The following CLYBL variants were observed in gnomAD, a reference collection of about 807,000 sequenced individuals.
CLYBL encodes citramalyl-CoA lyase, mitochondrial.
In CLYBL, 31 loss-of-function variants were observed where a neutral mutation model predicts 38.9. That is an observed-to-expected ratio of 0.80 (90% CI 0.60 to 1.08). The LOEUF (loss-of-function observed/expected upper bound fraction) is 1.08, where lower values mean the gene tolerates loss of function less well. Among genes scored for constraint, CLYBL ranks in the 50% least tolerant of loss-of-function variants. The pLI, the probability that CLYBL is intolerant of heterozygous loss-of-function variation, is 0.00. For missense variants in CLYBL, 434 were observed against 411.6 expected (o/e 1.05, Z -0.47); for synonymous variants, 171 against 158.6 (o/e 1.08, Z -0.59).
intron 2 of CLYBL, among the ~76,000 whole-genome samples, chr13:99,775,548 G>A (rs2049493595): frequency 6.6e-6 from 1 of 152,034 alleles, no homozygotes; most frequent in Admixed American, 6.6e-5. Flanking sequence ...TCGTTGTGTT[G>A]CCCAGGCTGG....
At chr13:99,784,188 A>G (rs1257336010) in intron 2 of CLYBL, among the ~76,000 whole-genome samples, 4 of 152,098 alleles carry the variant, frequency 2.6e-5, no homozygotes, top group East Asian at 3.9e-4. Context: ...AATTAATTCA[A>G]TCAATTCTTA....
chr13:99,868,031 C>A (rs952793992), intron 6 of CLYBL, among the ~76,000 whole-genome samples: 9 of 151,858 alleles, frequency 5.9e-5, no homozygotes, highest in African/African-American at 1.9e-4. Flanking sequence ...CAGCTCAGCA[C>A]GAGAAGCTTA....
At chr13:99,880,225 G>C (rs994644960) in intron 7 of CLYBL, among the ~76,000 whole-genome samples, 6 of 151,662 alleles carry the variant, frequency 4.0e-5, no homozygotes. Context: ...ATGCCACTAT[G>C]CCCGGCTCAT....
At chr13:99,804,534 T>G (rs1411894524) in intron 2 of CLYBL, among the ~76,000 whole-genome samples, 3 of 152,156 alleles carry the variant, frequency 2.0e-5, no homozygotes, top group Non-Finnish European at 4.4e-5. Flanking sequence ...GTAATGGGAT[T>G]TGTGCAGCTG....
At chr13:99,635,647 G>A (rs766731378) in intron 1 of CLYBL, among the ~76,000 whole-genome samples, 2 of 152,194 alleles carry the variant, frequency 1.3e-5, no homozygotes, top group Non-Finnish European at 2.9e-5. Flanking sequence ...GAGTGGTCCT[G>A]TCCCGGCCTC....
At chr13:99,743,404 T>C (rs1416956949) in intron 1 of CLYBL, among the ~76,000 whole-genome samples, 2 of 152,168 alleles carry the variant, frequency 1.3e-5, no homozygotes, top group African/African-American at 4.8e-5. Flanking sequence ...GAAATACAAT[T>C]AACAAACATT....
chr13:99,680,211 T>G (rs1296866991), intron 1 of CLYBL, among the ~76,000 whole-genome samples: 1 of 152,214 alleles, frequency 6.6e-6, no homozygotes, highest in African/African-American at 2.4e-5. Context: ...ATTCACAGGT[T>G]AGTATCTGAC....
At chr13:99,658,148 G>A (rs1221221433) in intron 1 of CLYBL, among the ~76,000 whole-genome samples, 1 of 152,242 alleles carries the variant, frequency 6.6e-6, no homozygotes, top group Non-Finnish European at 1.5e-5. Flanking sequence ...GGCCGCCTGC[G>A]TGCGCTCTGC....
chr13:99,672,840 A>G (rs141033240), intron 1 of CLYBL, among the ~76,000 whole-genome samples: 26 of 152,226 alleles, frequency 1.7e-4, no homozygotes, highest in African/African-American at 5.1e-4. Flanking sequence ...TTGTTTGAAA[A>G]TCTGTGTGGC....
At chr13:99,731,185 A>C (rs1465146812) in intron 1 of CLYBL, among the ~76,000 whole-genome samples, 2 of 151,862 alleles carry the variant, frequency 1.3e-5, no homozygotes, top group African/African-American at 2.4e-5. Context: ...GGCAGATTGC[A>C]CTGTATAAAG....
chr13:99,716,787 CTTTTTTTTTTT>C (rs1260332084), intron 1 of CLYBL, among the ~76,000 whole-genome samples: 1 of 100,918 alleles, frequency 9.9e-6, no homozygotes, highest in Non-Finnish European at 2.1e-5. Flanking sequence ...CTTTTCTTTT[CTTTTTTTTTTT>C]TTTTTTTTTT....
At chr13:99,804,698 G>C (rs1465534417) in intron 2 of CLYBL, among the ~76,000 whole-genome samples, 1 of 152,146 alleles carries the variant, frequency 6.6e-6, no homozygotes, top group Non-Finnish European at 1.5e-5. Flanking sequence ...TAACTGGTAA[G>C]TTGTTAATAT....
rs185898906 is a variant in CLYBL at position 99,848,809 on chromosome 13, C to G, written c.250-10052C>G. Among the ~76,000 whole-genome samples, 68 of 152,266 alleles carry G rather than the reference C, an allele frequency of 4.5e-4. No homozygotes were observed. In the East Asian group the frequency reaches 0.011, roughly 25 times the overall value. On this transcript the variant is annotated intron_variant, in intron 2 of 8. Coordinates refer to ENST00000339105, the MANE Select transcript of CLYBL (RefSeq NM_206808.5). Reference sequence around the variant, plus strand: ...AGCCATGAGCTAGCAGATTCCACAACCACAGACAAATCTGAGCATGGCGGT... The same window carrying G: ...AGCCATGAGCTAGCAGATTCCACAAGCACAGACAAATCTGAGCATGGCGGT...
Position 99,859,023 on chromosome 13 carries a change from G to A in CLYBL, c.412G>A (p.Val138Met), listed in dbSNP as rs772553250. ...TCCTTCCAGCCTGATGCTACCAAAG[G>A]TGGAAAGTCCTGAAGAAATCCAGTG... The part of the protein sequence containing the change: ...VLPSSLMLPK[V>M]ESPEEIQWFA... Residue 138 changes from valine (V) to methionine (M), a missense_variant, in exon 3 of 9, where the codon GTG becomes ATG. Coordinates refer to ENST00000339105, the MANE Select transcript of CLYBL (RefSeq NM_206808.5). 1.2e-6 allele frequency: 2 copies of A among 1,613,704 alleles called. No individual in the cohort carries two copies. Among genetic ancestry groups the A allele is most frequent in the South Asian group, 2.2e-5 (2 of 90,924 alleles).
chr13:99,628,233 A>G (rs2046896580), intron 1 of CLYBL, among the ~76,000 whole-genome samples: 1 of 152,202 alleles, frequency 6.6e-6, no homozygotes, highest in Non-Finnish European at 1.5e-5. Context: ...CATTAAATAT[A>G]TATATTTAAG....
At chr13:99,730,810 C>T (rs1239621251) in intron 1 of CLYBL, among the ~76,000 whole-genome samples, 4 of 152,092 alleles carry the variant, frequency 2.6e-5, no homozygotes, top group African/African-American at 9.7e-5. Flanking sequence ...GGGCCAGGCA[C>T]GGTGGCTCAC....
At chr13:99,663,178 A>T (rs936497397) in intron 1 of CLYBL, among the ~76,000 whole-genome samples, 1 of 152,218 alleles carries the variant, frequency 6.6e-6, no homozygotes, top group Admixed American at 6.5e-5. Flanking sequence ...CCCGAGGGGA[A>T]TACTTTCTTC....
chr13:99,744,217 C>T (rs1315610869), intron 1 of CLYBL, among the ~76,000 whole-genome samples: 3 of 152,122 alleles, frequency 2.0e-5, no homozygotes, highest in African/African-American at 7.2e-5. Flanking sequence ...CGTGATCCAC[C>T]TGCCTCGCCC....
intron 2 of CLYBL, among the ~76,000 whole-genome samples, chr13:99,824,564 C>A (rs1319484916): frequency 1.3e-5 from 2 of 152,074 alleles, no homozygotes; most frequent in African/African-American, 4.8e-5. Flanking sequence ...AGTATCAGCC[C>A]AGCCTGCCTC....
Sources: gnomAD v4.1 joint callset for allele counts (sites outside exome capture counted in the v4.1 genomes callset) on GRCh38, gnomAD v4.1.1 for gene constraint, MANE v1.5 for transcripts, NCBI Gene and HGNC (gene_info 2026-07-23, HGNC 2026-07-21) for gene names.